Variants in LRRC7 observed in about 807,000 individuals in gnomAD.
LRRC7 encodes the protein leucine rich repeat containing 7, also known as leucine-rich repeat-containing protein 7.
LRRC7 carries 23 observed loss-of-function variants against 175.7 expected under a neutral mutation model. The ratio of observed to expected loss-of-function variants is 0.13; its 90% confidence interval spans 0.09 to 0.19. LRRC7 has a LOEUF of 0.19. Ranked by LOEUF, LRRC7 falls within the 10% of genes least tolerant of loss-of-function variation. The pLI is 1.00. For missense variants in LRRC7, 1,354 were observed against 1,904.7 expected (o/e 0.71, Z 5.38); for synonymous variants, 685 against 680.9 (o/e 1.01, Z -0.09).
At chr1:70,073,413 T>A (rs923437630) in intron 23 of LRRC7, among the ~76,000 whole-genome samples, 2 of 152,080 alleles carry the variant, frequency 1.3e-5, no homozygotes, top group Non-Finnish European at 2.9e-5. Flanking sequence ...ATCACACCAC[T>A]GTACTCCAGC....
intron 3 of LRRC7, among the ~76,000 whole-genome samples, chr1:69,788,488 C>G (rs1357783622): frequency 1.3e-5 from 2 of 152,098 alleles, no homozygotes; most frequent in African/African-American, 4.8e-5. Context: ...AATAGATATT[C>G]AATAAATATA....
chr1:69,934,529 T>C (rs1647780271), intron 8 of LRRC7, among the ~76,000 whole-genome samples: 2 of 150,834 alleles, frequency 1.3e-5, no homozygotes, highest in South Asian at 2.1e-4. Context: ...TTTTGTTGTT[T>C]CTTTCATGAA....
At chr1:70,041,331 T>A (rs1038527224) in intron 21 of LRRC7, among the ~76,000 whole-genome samples, 10 of 152,210 alleles carry the variant, frequency 6.6e-5, no homozygotes, top group African/African-American at 1.7e-4. Flanking sequence ...AGGAGTGAAC[T>A]AATAAATGTG....
chr1:70,095,545 C>A (rs1350056062), intron 25 of LRRC7, among the ~76,000 whole-genome samples: 2 of 152,088 alleles, frequency 1.3e-5, no homozygotes, highest in Non-Finnish European at 2.9e-5. Flanking sequence ...AATAGTATTC[C>A]TACAGGTGTG....
At chr1:69,637,878 G>A (rs975975551) in intron 1 of LRRC7, among the ~76,000 whole-genome samples, 4 of 151,794 alleles carry the variant, frequency 2.6e-5, no homozygotes, top group Non-Finnish European at 4.4e-5. Flanking sequence ...AAAAGAAAAT[G>A]CCACCTTGAG....
At chr1:69,791,950 C>T (rs1675173069) in intron 3 of LRRC7, 93 bp from the exon 4 acceptor site, 2 of 772,734 alleles carry the variant, frequency 2.6e-6, no homozygotes, top group Non-Finnish European at 4.3e-6. Flanking sequence ...TTTACTACTA[C>T]ATATATAAAC....
intron 17 of LRRC7, among the ~76,000 whole-genome samples, chr1:70,024,173 CTAAT>C (rs370683525): frequency 5.1e-4 from 78 of 152,082 alleles, no homozygotes; most frequent in African/African-American, 1.7e-3. Flanking sequence ...AACATTCCAA[CTAAT>C]TCTCGAAGTA....
intron 3 of LRRC7, among the ~76,000 whole-genome samples, chr1:69,787,277 T>C (rs1674554933): frequency 6.6e-6 from 1 of 152,182 alleles, no homozygotes; most frequent in South Asian, 2.1e-4. Context: ...TCATTGAGTG[T>C]CTGCAGCTTT....
intron 1 of LRRC7, among the ~76,000 whole-genome samples, chr1:69,575,132 A>G (rs948235399): frequency 4.6e-5 from 7 of 152,104 alleles, no homozygotes; most frequent in African/African-American, 1.7e-4. Flanking sequence ...CTCATTTTAT[A>G]AAAAGAAGAA....
At chr1:69,992,173 C>T (rs913083266) in intron 10 of LRRC7, among the ~76,000 whole-genome samples, 1 of 151,866 alleles carries the variant, frequency 6.6e-6, no homozygotes, top group Non-Finnish European at 1.5e-5. Flanking sequence ...GCTATTGTTA[C>T]AATATAATAT....
intron 1 of LRRC7, among the ~76,000 whole-genome samples, chr1:69,624,611 AT>A: frequency 6.6e-6 from 1 of 152,112 alleles, no homozygotes; most frequent in Non-Finnish European, 1.5e-5. Context: ...ATTTTCCTGC[AT>A]TAAATTCCAA....
intron 4 of LRRC7, among the ~76,000 whole-genome samples, chr1:69,817,957 T>A (rs1387603276): frequency 6.6e-6 from 1 of 152,148 alleles, no homozygotes; most frequent in African/African-American, 2.4e-5. Flanking sequence ...GACTTTTAAA[T>A]GTTGATTTTG....
chr1:69,935,080 C>T (rs529408680), intron 8 of LRRC7, among the ~76,000 whole-genome samples: 9 of 152,188 alleles, frequency 5.9e-5, no homozygotes, highest in Middle Eastern at 3.4e-3. Flanking sequence ...GTTTAGAGTT[C>T]GGGAATTCAA....
chr1:69,797,168 A>T (rs1205504252), intron 4 of LRRC7, among the ~76,000 whole-genome samples: 1 of 152,198 alleles, frequency 6.6e-6, no homozygotes, highest in Non-Finnish European at 1.5e-5. Flanking sequence ...CCAACATAGG[A>T]TAAGGTCGCC....
chr1:69,857,464 C>T (rs1251504899), intron 7 of LRRC7, among the ~76,000 whole-genome samples: 1 of 152,016 alleles, frequency 6.6e-6, no homozygotes, highest in Non-Finnish European at 1.5e-5. Flanking sequence ...TTCTTATACA[C>T]CAATAACAGA....
intron 23 of LRRC7, among the ~76,000 whole-genome samples, chr1:70,059,474 A>AGTGTGTGT (rs10542055): frequency 0.011 from 1,399 of 132,238 alleles, 6 homozygotes; most frequent in East Asian, 0.046. Context: ...ACTAGAAGAA[A>AGTGTGTGT]GTGTGTGTGT....
chr1:69,625,021 C>T (rs1011382954), intron 1 of LRRC7, among the ~76,000 whole-genome samples: 2 of 151,976 alleles, frequency 1.3e-5, no homozygotes, highest in African/African-American at 4.8e-5. Flanking sequence ...TCGTCAAAGA[C>T]CTCAAAAAAT....
In LRRC7 at chr1:70,138,113, CT is replaced by C; in HGVS notation, c.*16228del. The C allele has an allele frequency of 6.6e-6, 1 of 152,270 alleles. No individual in the cohort carries two copies. The highest frequency in any genetic ancestry group is 1.9e-4 in the East Asian group (1 of 5,186). The allele number at this position is 152,270 out of a possible 1,614,324, so 9.4% of individuals were successfully genotyped here. ...AGTGTTTGGTTTTTCCTTGTAGAAA[CT>C]TAGTGTCATTGCGCATCAACTTAGA... On this transcript the variant is annotated 3_prime_UTR_variant, in exon 27 of 27. Coordinates refer to ENST00000651989, the MANE Select transcript of LRRC7 (RefSeq NM_001370785.2).
intron 18 of LRRC7, among the ~76,000 whole-genome samples, chr1:70,035,851 T>C (rs994893761): frequency 1.3e-5 from 2 of 152,100 alleles, no homozygotes; most frequent in African/African-American, 4.8e-5. Flanking sequence ...CATTTTGTCT[T>C]TCTTTGGAAC....
Sources: allele counts gnomAD v4.1 joint callset (sites outside exome capture counted in the v4.1 genomes callset), GRCh38; gene constraint gnomAD v4.1.1; transcripts MANE v1.5; gene names NCBI Gene and HGNC (gene_info 2026-07-23, HGNC 2026-07-21).